INTS9: variants seen among roughly 807,000 people sequenced by gnomAD.
The protein encoded by INTS9 is integrator complex subunit 9.
Under a neutral mutation model 79.7 loss-of-function variants are expected in INTS9, and 55 were observed. The ratio of observed to expected loss-of-function variants is 0.69; its 90% confidence interval spans 0.56 to 0.86. INTS9 has a LOEUF of 0.86. Ranked by LOEUF, INTS9 falls within the 40% of genes least tolerant of loss-of-function variation. The pLI is 0.00. For missense variants in INTS9, 721 were observed against 831.5 expected, an observed-to-expected ratio of 0.87 and a Z score of 1.64; for synonymous variants, 319 against 325.2, an observed-to-expected ratio of 0.98 and a Z score of 0.20.
chr8:28,803,985 G>A (rs1804664729), intron 8 of INTS9, among the ~76,000 whole-genome samples: 1 of 152,090 alleles, frequency 6.6e-6, no homozygotes, highest in Admixed American at 6.6e-5. Context: ...GCACACTGGT[G>A]CAGTCACAGC....
chr8:28,860,750 G>A (rs1488777958), intron 1 of INTS9, among the ~76,000 whole-genome samples: 1 of 152,182 alleles, frequency 6.6e-6, no homozygotes, highest in Admixed American at 6.5e-5. Context: ...CCAAAGTGCT[G>A]GGGTTATAGG....
intron 1 of INTS9, among the ~76,000 whole-genome samples, chr8:28,862,933 T>C (rs1052602586): frequency 2.0e-5 from 3 of 152,230 alleles, no homozygotes; most frequent in African/African-American, 7.2e-5. Context: ...TGTGTGATTT[T>C]GGGAAAGTTA....
At chr8:28,771,528 T>TAGCCA (rs375211274) in intron 14 of INTS9, among the ~76,000 whole-genome samples, 41 of 152,340 alleles carry the variant, frequency 2.7e-4, no homozygotes, top group African/African-American at 9.9e-4. Context: ...GACCCCTACC[T>TAGCCA]AGCCAAGCCA....
chr8:28,770,117 C>T (rs1432698081), intron 15 of INTS9, 91 bp from the exon 16 acceptor site: 1 of 1,472,742 alleles, frequency 6.8e-7, no homozygotes, highest in African/African-American at 1.4e-5. Context: ...ACTATCCTGT[C>T]CTCACAGGCC....
intron 4 of INTS9, among the ~76,000 whole-genome samples, chr8:28,842,645 T>C (rs1807257663): frequency 6.6e-6 from 1 of 152,068 alleles, no homozygotes; most frequent in South Asian, 2.1e-4. Flanking sequence ...AAGCTCCATA[T>C]CTTGAAACGT....
chr8:28,792,835 C>T (rs751671977), intron 10 of INTS9, among the ~76,000 whole-genome samples: 2 of 151,862 alleles, frequency 1.3e-5, no homozygotes, highest in Non-Finnish European at 2.9e-5. Context: ...TTTGCTTGAA[C>T]CCAGGAGGCG....
At chr8:28,778,395 A>G (rs1442351641) in intron 12 of INTS9, among the ~76,000 whole-genome samples, 3 of 152,230 alleles carry the variant, frequency 2.0e-5, no homozygotes, top group Non-Finnish European at 2.9e-5. Context: ...CCCACAAGGT[A>G]CTGATTTAAT....
At chr8:28,768,539 AC>A (rs1802341313) in intron 16 of INTS9, among the ~76,000 whole-genome samples, 1 of 152,164 alleles carries the variant, frequency 6.6e-6, no homozygotes, top group Non-Finnish European at 1.5e-5. Context: ...AATTTCCACA[AC>A]CTGGCTAAGC....
chr8:28,863,164 A>G (rs996562833), intron 1 of INTS9, among the ~76,000 whole-genome samples: 8 of 152,136 alleles, frequency 5.3e-5, no homozygotes, highest in Non-Finnish European at 1.0e-4. Flanking sequence ...GTATCCCCTA[A>G]GACTAGGTGA....
intron 5 of INTS9, among the ~76,000 whole-genome samples, chr8:28,836,748 G>A (rs780753855): frequency 2.6e-5 from 4 of 152,098 alleles, no homozygotes; most frequent in African/African-American, 7.2e-5. Flanking sequence ...GCATCACTTC[G>A]AGTGTTTTAC....
intron 5 of INTS9, among the ~76,000 whole-genome samples, chr8:28,836,434 G>A (rs959208272): frequency 2.6e-5 from 4 of 152,178 alleles, no homozygotes; most frequent in African/African-American, 4.8e-5. Flanking sequence ...TAATATTCGT[G>A]ATCCATATTG....
At chr8:28,813,762 T>A in intron 6 of INTS9, 150 bp from the exon 7 acceptor site, 1 of 874,184 alleles carries the variant, frequency 1.1e-6, no homozygotes, top group Non-Finnish European at 1.7e-6. Context: ...TTTCTCTGTT[T>A]TTATTTTTAC....
At chr8:28,769,818 A>C in intron 16 of INTS9, 71 bp downstream of exon 16, 2 of 1,577,128 alleles carry the variant, frequency 1.3e-6, no homozygotes, top group East Asian at 2.2e-5. Flanking sequence ...CCCTGCAGCC[A>C]GGGGGCCATA....
At chr8:28,859,983 C>G (rs1198787447) in intron 1 of INTS9, among the ~76,000 whole-genome samples, 2 of 152,148 alleles carry the variant, frequency 1.3e-5, no homozygotes, top group East Asian at 3.8e-4. Flanking sequence ...ATGGTTTTCT[C>G]CCTTTGTAAA....
intron 8 of INTS9, among the ~76,000 whole-genome samples, chr8:28,807,740 T>C (rs1804888913): frequency 1.3e-5 from 2 of 152,164 alleles, no homozygotes; most frequent in Admixed American, 1.3e-4. Context: ...ACTTGACAAA[T>C]AAACATGGTG....
chr8:28,804,376 C>A (rs901557112), intron 8 of INTS9, among the ~76,000 whole-genome samples: 1 of 152,180 alleles, frequency 6.6e-6, no homozygotes, highest in Non-Finnish European at 1.5e-5. Flanking sequence ...GCCTCTACTG[C>A]GGGTGGAGGA....
At chr8:28,828,936 G>C (rs998348131) in intron 6 of INTS9, among the ~76,000 whole-genome samples, 2 of 152,068 alleles carry the variant, frequency 1.3e-5, no homozygotes, top group Non-Finnish European at 2.9e-5. Context: ...ACCAGCCTTG[G>C]CCCCCCAAAG....
chr8:28,778,709 C>T (rs952696602), intron 12 of INTS9, among the ~76,000 whole-genome samples: 1 of 152,214 alleles, frequency 6.6e-6, no homozygotes, highest in Non-Finnish European at 1.5e-5. Context: ...AGACCTCGCT[C>T]GGTCCTAACT....
intron 8 of INTS9, among the ~76,000 whole-genome samples, chr8:28,807,503 C>A (rs937730805): frequency 6.6e-6 from 1 of 152,076 alleles, no homozygotes; most frequent in Non-Finnish European, 1.5e-5. Flanking sequence ...CCAACTCATT[C>A]CTGGAGAGTA....
Sources: gnomAD v4.1 joint callset for allele counts (sites outside exome capture counted in the v4.1 genomes callset) on GRCh38, gnomAD v4.1.1 for gene constraint, MANE v1.5 for transcripts, NCBI Gene and HGNC (gene_info 2026-07-23, HGNC 2026-07-21) for gene names.